Variants in OR4E2 observed in about 807,000 individuals in gnomAD.
OR4E2 encodes olfactory receptor family 4 subfamily E member 2.
In OR4E2, 9 loss-of-function variants were observed where a neutral mutation model predicts 11.0. The ratio of observed to expected loss-of-function variants is 0.82; its 90% confidence interval spans 0.49 to 1.43. The LOEUF (loss-of-function observed/expected upper bound fraction) is 1.43. Among genes scored for constraint, OR4E2 ranks in the 40% most tolerant of loss-of-function variants. The pLI is 0.00. For synonymous variants in OR4E2, 159 were observed against 147.3 expected (o/e 1.08, Z -0.57); for missense variants, 441 against 382.0 (o/e 1.15, Z -1.29).
intron 2 of OR4E2, among the ~76,000 whole-genome samples, chr14:21,658,074 A>G (rs1250297070): frequency 6.6e-6 from 1 of 152,204 alleles, no homozygotes; most frequent in African/African-American, 2.4e-5. Flanking sequence ...AAAATAAACT[A>G]AATTTAATAT....
Position 21,665,213 on chromosome 14 carries a change from T to G in OR4E2, c.131T>G (p.Leu44Arg). The G allele has an allele frequency of 6.2e-7, 1 of 1,613,978 alleles. No individual in the cohort carries two copies. Among genetic ancestry groups the G allele is most frequent in the Non-Finnish European group, 8.5e-7 (1 of 1,179,890 alleles). Reference sequence around the variant, plus strand: ...ATGCTAACGCTTTCGGGGAACATTCTCATCATCATTGCCACAGTCTTTACT... The same window carrying G: ...ATGCTAACGCTTTCGGGGAACATTCGCATCATCATTGCCACAGTCTTTACT... ...IYMLTLSGNI[L>R]IIIATVFTPS... The change falls in exon 4 of 4, where the codon CTC (leucine) becomes CGC (arginine). Residue 44 changes from leucine to arginine, a missense_variant. Transcript: ENST00000641524.
In OR4E2 at chr14:21,665,246, T is replaced by G; in HGVS notation, c.164T>G (p.Leu55Arg). 6.2e-7 allele frequency: 1 copy of G among 1,614,126 alleles called. No homozygotes were observed. The highest frequency in any genetic ancestry group is 8.5e-7 in the Non-Finnish European group (1 of 1,179,994). ...IIIATVFTPS[L>R]HTPMYFFLSN... ...ATTGCCACAGTCTTTACTCCAAGTC[T>G]CCATACCCCCATGTATTTCTTCCTG... The change falls in exon 4 of 4, where the codon CTC (leucine) becomes CGC (arginine). Residue 55 changes from leucine (L) to arginine (R), a missense_variant. Transcript: ENST00000641524.
intron 3 of OR4E2, among the ~76,000 whole-genome samples, chr14:21,662,090 T>G (rs1234599393): frequency 6.6e-6 from 1 of 152,076 alleles, no homozygotes; most frequent in African/African-American, 2.4e-5. Flanking sequence ...TTAAGCATAT[T>G]TTTATTCATA....
chr14:21,662,552 G>A (rs1293166256), intron 3 of OR4E2, among the ~76,000 whole-genome samples: 2 of 152,008 alleles, frequency 1.3e-5, no homozygotes, highest in African/African-American at 2.4e-5. Context: ...CACCTGCCTC[G>A]GCCTCCCAAA....
At chr14:21,663,414 A>G (rs1477802250) in intron 3 of OR4E2, among the ~76,000 whole-genome samples, 1 of 152,042 alleles carries the variant, frequency 6.6e-6, no homozygotes, top group East Asian at 1.9e-4. Flanking sequence ...TGGAAGGCGG[A>G]GCTTGCAGTG....
In OR4E2 at chr14:21,662,162, G is replaced by C. The variant is rs570006080; in HGVS notation, c.-9+1416G>C. ...AGTATATCTTTGCTCATTTTTAATT[G>C]AGTCGTTTGTCTTTTCTTATCAAGT... is the stretch of plus-strand genomic sequence containing the variant. On this transcript the variant is annotated intron_variant, in intron 3 of 3. Transcript: ENST00000641524. Among the ~76,000 whole-genome samples the C allele has an allele frequency of 5.3e-5, 8 of 151,972 alleles. No homozygotes were observed. In the South Asian group the frequency reaches 1.7e-3, roughly 32 times the overall value.
intron 3 of OR4E2, among the ~76,000 whole-genome samples, chr14:21,662,336 G>A (rs1026133248): frequency 1.3e-5 from 2 of 151,572 alleles, no homozygotes; most frequent in African/African-American, 4.9e-5. Flanking sequence ...TTGCTCTGTT[G>A]CCCAGGCTTG....
At chr14:21,659,485 A>AC (rs1880192789) in intron 2 of OR4E2, among the ~76,000 whole-genome samples, 1 of 152,016 alleles carries the variant, frequency 6.6e-6, no homozygotes, top group Non-Finnish European at 1.5e-5. Context: ...CTTAAATCCC[A>AC]TTTTATGTTT....
intron 2 of OR4E2, among the ~76,000 whole-genome samples, chr14:21,657,318 T>A (rs974021973): frequency 2.0e-5 from 3 of 151,056 alleles, no homozygotes; most frequent in African/African-American, 7.3e-5. Flanking sequence ...TTGTAATGTA[T>A]GGAGTTGTGA....
In OR4E2 at chr14:21,665,304, A is replaced by C. The variant is rs1326177902; in HGVS notation, c.222A>C (p.Ser74=). The part of the protein sequence containing the change: ...SNLSFIDICH[S]SVTVPKMLEG... The stretch of plus-strand genomic sequence containing the variant: ...TGTCCTTTATTGACATCTGCCACTC[A>C]TCTGTCACTGTGCCTAAGATGTTGG... The change falls in exon 4 of 4, where the codon TCA becomes TCC. Residue 74 remains serine, a synonymous_variant. Transcript: ENST00000641524. The C allele has an allele frequency of 6.2e-7, 1 of 1,614,112 alleles. No homozygotes were observed. Among genetic ancestry groups the C allele is most frequent in the Non-Finnish European group, 8.5e-7 (1 of 1,179,984 alleles).
In OR4E2 at chr14:21,665,362, T is replaced by G; in HGVS notation, c.280T>G (p.Phe94Val). Residue 94 changes from phenylalanine to valine, a missense_variant, in exon 4 of 4, where the codon TTT becomes GTT. Physicochemically the swap from Phe to Val is conservative, Grantham distance 50. Transcript: ENST00000641524. ...GCTTTTAGAAAGAAAGACCATTTCC[T>G]TTGACAACTGCATCACACAGCTCTT... ...GLLLERKTIS[F>V]DNCITQLFFL... The G allele has an allele frequency of 1.2e-6, 2 of 1,614,188 alleles. No individual in the cohort carries two copies. The highest frequency in any genetic ancestry group is 1.7e-6 in the Non-Finnish European group (2 of 1,180,040).
chr14:21,661,065 C>T (rs1880295649), intron 3 of OR4E2, among the ~76,000 whole-genome samples: 1 of 152,086 alleles, frequency 6.6e-6, no homozygotes, highest in Non-Finnish European at 1.5e-5. Context: ...CCTGTGCATG[C>T]TTTTAATACT....
intron 3 of OR4E2, among the ~76,000 whole-genome samples, chr14:21,661,373 G>A (rs139292962): frequency 2.0e-5 from 3 of 152,114 alleles, no homozygotes; most frequent in East Asian, 3.9e-4. Context: ...AATCTTTTTC[G>A]ATTTCTTTCT....
rs978220795 is a variant in OR4E2 at position 21,657,574 on chromosome 14, T to C, written c.-103+985T>C. Among the ~76,000 whole-genome samples the C allele has an allele frequency of 4.4e-4, 57 of 130,062 alleles. 2 individuals are homozygous for C. The South Asian group carries it at 0.011, about 24-fold the overall frequency. The allele number at this position is 130,062 out of a possible 152,430, so 85.3% of individuals were successfully genotyped here. On this transcript the variant is annotated intron_variant, in intron 2 of 3. Coordinates refer to ENST00000641524, the MANE Select transcript of OR4E2 (RefSeq NM_001001912.3). ...GTCTGTCTCTCTCTCTCTCTCTCTCTCCCCCTTCCCTTCCCTTCCCTTCCT... is the reference window on the plus strand; with the variant it reads ...GTCTGTCTCTCTCTCTCTCTCTCTCCCCCCCTTCCCTTCCCTTCCCTTCCT...
chr14:21,658,236 C>T (rs1880125172), intron 2 of OR4E2, among the ~76,000 whole-genome samples: 1 of 152,178 alleles, frequency 6.6e-6, no homozygotes, highest in Non-Finnish European at 1.5e-5. Context: ...AGCTTACCTG[C>T]ATCCCATTTT....
intron 1 of OR4E2, among the ~76,000 whole-genome samples, chr14:21,654,146 T>G (rs144786343): frequency 1.5e-3 from 222 of 152,240 alleles, no homozygotes; most frequent in African/African-American, 5.1e-3. Context: ...ACCTTTATAA[T>G]GTGATCATGA....
At chr14:21,661,326 G>T (rs1018030978) in intron 3 of OR4E2, among the ~76,000 whole-genome samples, 1 of 152,234 alleles carries the variant, frequency 6.6e-6, no homozygotes, top group East Asian at 1.9e-4. Flanking sequence ...GCATATGCAT[G>T]TACATATATG....
intron 2 of OR4E2, among the ~76,000 whole-genome samples, chr14:21,658,015 T>C (rs1395451358): frequency 6.6e-6 from 1 of 152,170 alleles, no homozygotes; most frequent in Non-Finnish European, 1.5e-5. Context: ...TTTTAGTTGG[T>C]AACTGAGTAG....
chr14:21,656,719 A>C (rs555388885), intron 2 of OR4E2, 130 bp downstream of exon 2: 1 of 152,306 alleles, frequency 6.6e-6, no homozygotes, highest in South Asian at 2.1e-4. Context: ...TGTGTTTAGA[A>C]GTTTAATAGA....
Sources: gnomAD v4.1 joint callset for allele counts (sites outside exome capture counted in the v4.1 genomes callset) on GRCh38, gnomAD v4.1.1 for gene constraint, MANE v1.5 for transcripts, NCBI Gene and HGNC (gene_info 2026-07-23, HGNC 2026-07-21) for gene names.